Variants in NPHS2 observed in about 807,000 individuals in gnomAD.
The protein encoded by NPHS2 is NPHS2 stomatin family member, podocin, also known as podocin.
Under a neutral mutation model 37.1 loss-of-function variants are expected in NPHS2, and 36 were observed. The ratio of observed to expected loss-of-function variants is 0.97; its 90% CI spans 0.74 to 1.28. NPHS2 has a LOEUF of 1.28. Ranked by LOEUF, NPHS2 falls within the 50% of genes most tolerant of loss-of-function variation. The pLI, the probability that NPHS2 is intolerant of heterozygous loss-of-function variation, is 0.00. For missense variants in NPHS2, 447 were observed against 488.1 expected (o/e 0.92, Z 0.79); for synonymous variants, 196 against 189.3 (o/e 1.04, Z -0.29).
intron 7 of NPHS2, 121 bp from the exon 8 acceptor site, chr1:179,551,572 A>G (rs1335459994): frequency 8.9e-7 from 1 of 1,125,792 alleles, no homozygotes; most frequent in Non-Finnish European, 1.3e-6. Flanking sequence ...ACGGTTAAGC[A>G]TAGAACATGT....
intron 1 of NPHS2, among the ~76,000 whole-genome samples, chr1:179,570,352 A>G (rs1163361141): frequency 6.6e-6 from 1 of 152,238 alleles, no homozygotes; most frequent in African/African-American, 2.4e-5. Flanking sequence ...ACAGCAAGCC[A>G]GTCATTAGCA....
chr1:179,569,066 T>A (rs1988032), intron 1 of NPHS2, among the ~76,000 whole-genome samples: 30,788 of 152,156 alleles, frequency 0.2, 3,792 homozygotes, highest in Non-Finnish European at 0.27. Context: ...GCCTATTAGG[T>A]CTGCTTGTTG....
chr1:179,570,605 A>G (rs191650581), intron 1 of NPHS2, among the ~76,000 whole-genome samples: 105 of 152,298 alleles, frequency 6.9e-4, no homozygotes, highest in Middle Eastern at 3.4e-3. Flanking sequence ...CGTTAGGGCC[A>G]TTATGAACAT....
intron 5 of NPHS2, among the ~76,000 whole-genome samples, chr1:179,555,727 A>G (rs1673891949): frequency 6.6e-6 from 1 of 152,218 alleles, no homozygotes; most frequent in Admixed American, 6.5e-5. Context: ...AAAAGTGCTG[A>G]ATGCTGGACA....
intron 1 of NPHS2, among the ~76,000 whole-genome samples, chr1:179,565,698 T>C (rs1328394996): frequency 6.6e-6 from 1 of 152,116 alleles, no homozygotes; most frequent in Non-Finnish European, 1.5e-5. Context: ...ATTAGGTATT[T>C]CTCCTAATGC....
intron 5 of NPHS2, among the ~76,000 whole-genome samples, chr1:179,555,611 G>A (rs775999940): frequency 3.9e-5 from 6 of 152,200 alleles, no homozygotes; most frequent in Admixed American, 6.5e-5. Flanking sequence ...TGATAAAGAC[G>A]TCGCAGAATA....
At chr1:179,570,876 C>T (rs762816615) in intron 1 of NPHS2, among the ~76,000 whole-genome samples, 10 of 152,156 alleles carry the variant, frequency 6.6e-5, no homozygotes, top group Admixed American at 1.3e-4. Flanking sequence ...CTTGCACATG[C>T]GTCATGAAGT....
intron 2 of NPHS2, 131 bp downstream of exon 2, chr1:179,564,559 A>G: frequency 3.7e-6 from 3 of 803,346 alleles, no homozygotes; most frequent in Non-Finnish European, 6.5e-6. Flanking sequence ...GCTATCCTGG[A>G]AGGTGAGTCT....
At position 179,552,596 on chromosome 1, in the gene NPHS2, T is replaced by C. The variant is rs115778946; in HGVS notation, c.873+7A>G. ...GGGCAGTCTGGGTGGGAGGATGGAG[T>C]GCTCACCCGCACTTTGGCTTGTCTT... On this transcript the variant is annotated splice_region_variant and intron_variant, in intron 7 of 7. Transcript: ENST00000367615. The C allele has an allele frequency of 0.039, 63,337 of 1,611,690 alleles. 1,524 individuals carry two copies. Among genetic ancestry groups the C allele is most frequent in the Middle Eastern group, 0.049 (297 of 6,024 alleles).
chr1:179,564,862 G>C, intron 1 of NPHS2, 69 bp from the exon 2 acceptor site: 2 of 1,266,596 alleles, frequency 1.6e-6, no homozygotes, highest in Non-Finnish European at 2.3e-6. Flanking sequence ...AGCATCTGTT[G>C]GTCCAATTCT....
At position 179,557,138 on chromosome 1, in the gene NPHS2, A is replaced by G. The variant is rs1558344771; in HGVS notation, c.627T>C (p.His209=). 1.9e-6 allele frequency: 3 copies of G among 1,614,094 alleles called. No individual in the cohort carries two copies. Among genetic ancestry groups the G allele is most frequent in the Non-Finnish European group, 2.5e-6 (3 of 1,179,950 alleles). Residue 209 remains histidine (H), a synonymous_variant, in exon 5 of 8, where the codon CAT becomes CAC. Transcript: ENST00000367615. ...CAAGGAATTGCACAGCTTTAGATAC[A>G]TGAGCAAGACTGCTTAGGAGAAGAG... ...NASLLLSSLA[H]VSKAVQFLVQ...
At chr1:179,571,311 ACAGT>A (rs1219340496) in intron 1 of NPHS2, among the ~76,000 whole-genome samples, 1 of 152,172 alleles carries the variant, frequency 6.6e-6, no homozygotes, top group Admixed American at 6.5e-5. Flanking sequence ...TTTCCATCTA[ACAGT>A]CAGGTCCCTC....
chr1:179,551,791 G>A (rs1043654210), intron 7 of NPHS2: 6 of 303,720 alleles, frequency 2.0e-5, no homozygotes, highest in Non-Finnish European at 3.1e-5. Context: ...GTTATGAAAG[G>A]GTGACCCCCA....
intron 1 of NPHS2, among the ~76,000 whole-genome samples, chr1:179,568,283 A>T (rs2101876648): frequency 6.6e-6 from 1 of 152,182 alleles, no homozygotes; most frequent in African/African-American, 2.4e-5. Context: ...TAGTCTTGGG[A>T]GGGTGTATGT....
chr1:179,575,741 C>T lies in NPHS2; in HGVS notation c.124G>A (p.Gly42Arg), dbSNP rs559836164. ...CGTCCGGAGCCCGACGGCTCGGGCCCAGCCTCCTGGCGCCCGCGGCCTCCG... is the reference window on the plus strand; with the variant it reads ...CGTCCGGAGCCCGACGGCTCGGGCCTAGCCTCCTGGCGCCCGCGGCCTCCG... ...SGGGRGRQEA[G>R]PEPSGSGRAG... The change falls in exon 1 of 8, where the codon GGG becomes AGG. Residue 42 changes from glycine (G) to arginine (R), a missense_variant. By Grantham distance (125) the Gly-to-Arg change is moderately radical. Coordinates refer to ENST00000367615, the MANE Select transcript of NPHS2 (RefSeq NM_014625.4). The T allele has an allele frequency of 6.0e-4, 903 of 1,516,052 alleles. 6 individuals carry two copies. In the African/African-American group the frequency reaches 0.011, roughly 19 times the overall value. The allele number at this position is 1,516,052 out of a possible 1,614,324, so 93.9% of individuals were successfully genotyped here.
chr1:179,566,957 G>T (rs985067278), intron 1 of NPHS2, among the ~76,000 whole-genome samples: 1 of 152,124 alleles, frequency 6.6e-6, no homozygotes, highest in East Asian at 1.9e-4. Flanking sequence ...ATGCTGTTTT[G>T]GTTACTGTAG....
chr1:179,575,760 G>GC lies in NPHS2; in HGVS notation c.104dup (p.Arg36ProfsTer34), dbSNP rs1320543506. 1.3e-6 allele frequency: 2 copies of GC among 1,492,432 alleles called. No homozygotes were observed. Among genetic ancestry groups the GC allele is most frequent in the Admixed American group, 2.3e-5 (1 of 44,430 alleles). The allele number at this position is 1,492,432 out of a possible 1,614,324, so 92.4% of individuals were successfully genotyped here. Reference sequence around the variant, plus strand: ...CGGGCCCAGCCTCCTGGCGCCCGCGGCCTCCGCCGCTCCTCTCGGCCTTTG... The same window carrying GC: ...CGGGCCCAGCCTCCTGGCGCCCGCGGCCCTCCGCCGCTCCTCTCGGCCTTTG... On this transcript the variant is annotated frameshift_variant, in exon 1 of 8. Transcript: ENST00000367615. LOFTEE classifies it high-confidence loss of function.
At chr1:179,555,447 G>C (rs1673876401) in intron 5 of NPHS2, among the ~76,000 whole-genome samples, 1 of 152,170 alleles carries the variant, frequency 6.6e-6, no homozygotes, top group Non-Finnish European at 1.5e-5. Context: ...TTCTGGAAAG[G>C]AGGGGCAGGG....
At chr1:179,553,175 A>G (rs1480815346) in intron 6 of NPHS2, among the ~76,000 whole-genome samples, 1 of 152,254 alleles carries the variant, frequency 6.6e-6, no homozygotes, top group East Asian at 1.9e-4. Context: ...AACTATAAAA[A>G]TGCATATATG....
Sources: allele counts gnomAD v4.1 joint callset (sites outside exome capture counted in the v4.1 genomes callset), GRCh38; gene constraint gnomAD v4.1.1; transcripts MANE v1.5; gene names NCBI Gene and HGNC (gene_info 2026-07-23, HGNC 2026-07-21).